Variants in EPB41L4A observed in about 807,000 individuals in gnomAD.
EPB41L4A encodes the protein erythrocyte membrane protein band 4.1 like 4A, also known as band 4.1-like protein 4A.
EPB41L4A carries 100 observed loss-of-function variants against 108.6 expected under a neutral mutation model. The ratio of observed to expected loss-of-function variants is 0.92; its 90% CI spans 0.78 to 1.09. The LOEUF is 1.09. EPB41L4A is among the 50% of genes least tolerant of loss of function. The pLI, the probability that EPB41L4A is intolerant of heterozygous loss-of-function variation, is 0.00. For missense variants in EPB41L4A, 1,030 were observed against 842.7 expected (o/e 1.22, Z -2.75); for synonymous variants, 319 against 289.0 (o/e 1.10, Z -1.05).
intron 17 of EPB41L4A, among the ~76,000 whole-genome samples, chr5:112,191,386 T>C (rs573619632): frequency 2.0e-5 from 3 of 152,316 alleles, no homozygotes; most frequent in Admixed American, 6.5e-5. Flanking sequence ...TTTCCTAAAA[T>C]TGAAACTAAA....
intron 1 of EPB41L4A, among the ~76,000 whole-genome samples, chr5:112,330,541 T>C (rs1456204348): frequency 6.6e-6 from 1 of 152,108 alleles, no homozygotes; most frequent in African/African-American, 2.4e-5. Flanking sequence ...GCAGCCATTG[T>C]TCCAAGTTAT....
At chr5:112,196,868 C>G (rs1009898613) in intron 15 of EPB41L4A, 5 of 152,224 alleles carry the variant, frequency 3.3e-5, no homozygotes, top group African/African-American at 1.2e-4. Flanking sequence ...AACTCTCCAC[C>G]CTGCAACCCT....
At chr5:112,274,274 T>C (rs1042822748) in intron 4 of EPB41L4A, among the ~76,000 whole-genome samples, 1 of 152,168 alleles carries the variant, frequency 6.6e-6, no homozygotes, top group Middle Eastern at 3.2e-3. Context: ...AGCGAGACCC[T>C]GTGTCTTAAA....
intron 12 of EPB41L4A, among the ~76,000 whole-genome samples, chr5:112,155,030 T>C (rs1340103614): frequency 6.6e-6 from 1 of 152,162 alleles, no homozygotes; most frequent in Non-Finnish European, 1.5e-5. Flanking sequence ...AATGGTCCTA[T>C]GTCCATTAAG....
intron 1 of EPB41L4A, among the ~76,000 whole-genome samples, chr5:112,347,824 A>T (rs898389661): frequency 6.6e-6 from 1 of 152,152 alleles, no homozygotes; most frequent in South Asian, 2.1e-4. Context: ...AAGCTTCAGC[A>T]TTACCACTCT....
chr5:112,153,211 C>A (rs73227501), intron 12 of EPB41L4A, among the ~76,000 whole-genome samples: 17,185 of 146,786 alleles, frequency 0.12, 1,085 homozygotes, highest in South Asian at 0.15. Context: ...AGAATAAGAT[C>A]CTGTCTCAAA....
chr5:112,372,658 G>A (rs1759565098), intron 1 of EPB41L4A, among the ~76,000 whole-genome samples: 1 of 152,288 alleles, frequency 6.6e-6, no homozygotes, highest in Middle Eastern at 3.4e-3. Flanking sequence ...GGAAAGAGGA[G>A]AAAGAACCAG....
intron 1 of EPB41L4A, among the ~76,000 whole-genome samples, chr5:112,360,477 G>T (rs1758649780): frequency 6.6e-6 from 1 of 152,240 alleles, no homozygotes; most frequent in Non-Finnish European, 1.5e-5. Context: ...GTTTCGCCAT[G>T]TTGGCCGGGC....
chr5:112,277,790 T>C (rs1752708260), intron 3 of EPB41L4A, among the ~76,000 whole-genome samples: 1 of 152,210 alleles, frequency 6.6e-6, no homozygotes, highest in African/African-American at 2.4e-5. Flanking sequence ...AGGATATGTC[T>C]AGCCAGATAT....
intron 2 of EPB41L4A, among the ~76,000 whole-genome samples, chr5:112,289,761 C>G (rs548275347): frequency 6.6e-6 from 1 of 152,206 alleles, no homozygotes; most frequent in Non-Finnish European, 1.5e-5. Context: ...TCATGCTGCT[C>G]CAGCAGACAC....
chr5:112,290,681 C>T (rs1206190744), intron 2 of EPB41L4A, among the ~76,000 whole-genome samples: 4 of 152,148 alleles, frequency 2.6e-5, no homozygotes, highest in African/African-American at 7.2e-5. Context: ...AAATAAAATC[C>T]TAAATTTGCC....
intron 11 of EPB41L4A, among the ~76,000 whole-genome samples, chr5:112,235,288 C>A: frequency 6.6e-6 from 1 of 152,206 alleles, no homozygotes; most frequent in East Asian, 1.9e-4. Flanking sequence ...GAACCCCATG[C>A]AAAGCACTGC....
Position 112,164,921 on chromosome 5 carries a change from T to G in EPB41L4A, c.*69A>C. ...TCTGAGATTTGAATTAAGATACCTATTTCACAGTTTCAAAAGTACCAGTGG... is the reference window on the plus strand; with the variant it reads ...TCTGAGATTTGAATTAAGATACCTAGTTCACAGTTTCAAAAGTACCAGTGG... On this transcript the variant is annotated 3_prime_UTR_variant, in exon 23 of 23. Coordinates refer to ENST00000261486, the MANE Select transcript of EPB41L4A (RefSeq NM_022140.5). 7.0e-7 allele frequency: 1 copy of G among 1,421,554 alleles called. No homozygotes were observed. The highest frequency in any genetic ancestry group is 9.4e-7 in the Non-Finnish European group (1 of 1,066,180). 88.1% of individuals were successfully genotyped at this position (1,421,554 alleles called of 1,614,324 possible). A position where few individuals can be genotyped will look rare whatever the true frequency, so the allele number is the denominator to read the frequency against.
intron 18 of EPB41L4A, among the ~76,000 whole-genome samples, chr5:112,177,480 GC>G (rs1298342954): frequency 6.6e-6 from 1 of 152,094 alleles, no homozygotes; most frequent in Non-Finnish European, 1.5e-5. Flanking sequence ...ACTCCTCTCT[GC>G]CATCTAGGGT....
intron 1 of EPB41L4A, among the ~76,000 whole-genome samples, chr5:112,407,668 G>A (rs780191422): frequency 2.0e-5 from 3 of 152,190 alleles, no homozygotes; most frequent in African/African-American, 7.2e-5. Flanking sequence ...CTTCCACCAA[G>A]TGATTTACAG....
At chr5:112,384,932 C>G (rs1448959356) in intron 1 of EPB41L4A, among the ~76,000 whole-genome samples, 2 of 152,238 alleles carry the variant, frequency 1.3e-5, no homozygotes, top group Non-Finnish European at 2.9e-5. Flanking sequence ...GCAGCCCCAT[C>G]CATTTGCTAG....
At chr5:112,252,570 T>G (rs145924214) in intron 9 of EPB41L4A, among the ~76,000 whole-genome samples, 2 of 152,300 alleles carry the variant, frequency 1.3e-5, no homozygotes, top group Non-Finnish European at 2.9e-5. Context: ...GCAAAATAGT[T>G]AGGTACCTGT....
At chr5:112,327,477 A>C (rs556512045) in intron 1 of EPB41L4A, among the ~76,000 whole-genome samples, 6 of 152,170 alleles carry the variant, frequency 3.9e-5, no homozygotes, top group Non-Finnish European at 7.3e-5. Context: ...GCACTTTGGG[A>C]CACAAAGGTG....
intron 1 of EPB41L4A, among the ~76,000 whole-genome samples, chr5:112,400,439 C>G (rs564474445): frequency 6.6e-6 from 1 of 152,036 alleles, no homozygotes; most frequent in Non-Finnish European, 1.5e-5. Flanking sequence ...AGTACAAGCA[C>G]GGCACAGCAT....
Sources: gnomAD v4.1 joint callset for allele counts (sites outside exome capture counted in the v4.1 genomes callset) on GRCh38, gnomAD v4.1.1 for gene constraint, MANE v1.5 for transcripts, NCBI Gene and HGNC (gene_info 2026-07-23, HGNC 2026-07-21) for gene names.